Variants in ENOX1 observed in about 807,000 individuals in gnomAD.
ENOX1 encodes candidate growth-related and time keeping constitutive hydroquinone (NADH) oxidase.
ENOX1 carries 42 observed loss-of-function variants against 82.5 expected under a neutral mutation model. That is an observed-to-expected ratio of 0.51 (90% CI 0.40 to 0.66). The LOEUF (loss-of-function observed/expected upper bound fraction) is 0.66, where lower values mean the gene tolerates loss of function less well. Ranked by LOEUF, ENOX1 falls within the 30% of genes least tolerant of loss-of-function variation. ENOX1 has a pLI of 0.00. For missense variants in ENOX1, 608 were observed against 811.6 expected (o/e 0.75, Z 3.05); for synonymous variants, 271 against 282.2 (o/e 0.96, Z 0.40).
chr13:43,276,278 C>T (rs542465521), intron 12 of ENOX1, among the ~76,000 whole-genome samples: 4 of 152,258 alleles, frequency 2.6e-5, no homozygotes, highest in East Asian at 3.9e-4. Flanking sequence ...ATTTGCTCTA[C>T]GTGGCAATAC....
At chr13:43,586,610 T>G (rs1858012871) in intron 2 of ENOX1, among the ~76,000 whole-genome samples, 1 of 152,196 alleles carries the variant, frequency 6.6e-6, no homozygotes, top group South Asian at 2.1e-4. Flanking sequence ...AAGACTTCCT[T>G]TCTCATAACC....
At chr13:43,653,918 C>T (rs553170647) in intron 2 of ENOX1, among the ~76,000 whole-genome samples, 1 of 152,236 alleles carries the variant, frequency 6.6e-6, no homozygotes, top group African/African-American at 2.4e-5. Flanking sequence ...CTAACAGAAT[C>T]TTTACTCCCT....
At chr13:43,592,767 C>T (rs2081300716) in intron 2 of ENOX1, among the ~76,000 whole-genome samples, 1 of 152,180 alleles carries the variant, frequency 6.6e-6, no homozygotes, top group South Asian at 2.1e-4. Flanking sequence ...GATTGCTATC[C>T]TCCTCTGCAG....
intron 3 of ENOX1, among the ~76,000 whole-genome samples, chr13:43,431,886 C>G (rs866442990): frequency 1.3e-5 from 2 of 152,166 alleles, no homozygotes; most frequent in Non-Finnish European, 2.9e-5. Flanking sequence ...CAATCCAGAT[C>G]CCAGACCCTC....
intron 2 of ENOX1, among the ~76,000 whole-genome samples, chr13:43,635,489 T>A (rs899306629): frequency 6.6e-6 from 1 of 152,188 alleles, no homozygotes; most frequent in African/African-American, 2.4e-5. Context: ...ATAAAAAGAA[T>A]AAATGTATGA....
At chr13:43,236,314 G>T (rs536011524) in intron 15 of ENOX1, among the ~76,000 whole-genome samples, 1 of 152,284 alleles carries the variant, frequency 6.6e-6, no homozygotes, top group East Asian at 1.9e-4. Flanking sequence ...TTTGGAACTA[G>T]ATGCAACCTG....
intron 5 of ENOX1, among the ~76,000 whole-genome samples, chr13:43,402,261 T>C (rs1020909345): frequency 9.9e-5 from 15 of 152,162 alleles, no homozygotes; most frequent in African/African-American, 3.6e-4. Context: ...GAAAAATAAA[T>C]CATGGATGTC....
intron 8 of ENOX1, among the ~76,000 whole-genome samples, chr13:43,346,323 A>G (rs1447217291): frequency 6.6e-6 from 1 of 152,134 alleles, no homozygotes; most frequent in African/African-American, 2.4e-5. Context: ...TTAGGGATGT[A>G]CCCATGCTCA....
chr13:43,485,914 A>G (rs1267309735), intron 2 of ENOX1, among the ~76,000 whole-genome samples: 2 of 152,192 alleles, frequency 1.3e-5, no homozygotes, highest in Non-Finnish European at 2.9e-5. Flanking sequence ...TGTCTTTACA[A>G]AAAATACAAA....
intron 2 of ENOX1, among the ~76,000 whole-genome samples, chr13:43,561,772 G>A (rs2079681563): frequency 6.6e-6 from 1 of 152,034 alleles, no homozygotes; most frequent in African/African-American, 2.4e-5. Context: ...TGTGAGCCCA[G>A]GAGTTCAAGA....
intron 5 of ENOX1, among the ~76,000 whole-genome samples, chr13:43,369,209 T>C (rs1489469399): frequency 6.6e-6 from 1 of 152,186 alleles, no homozygotes; most frequent in Non-Finnish European, 1.5e-5. Context: ...CAACAATACC[T>C]GAACCTTCTC....
In ENOX1 at chr13:43,608,465, T is replaced by A. The variant is rs199829496; in HGVS notation, c.-219+59014A>T. Among the ~76,000 whole-genome samples the A allele has an allele frequency of 3.9e-5, 6 of 152,290 alleles. No homozygotes were observed. In the East Asian group the frequency reaches 9.7e-4, roughly 25 times the overall value. ...AGAATACATTTTCCCGTGTTTATCT[T>A]TGAAAGAGTACACTGAATATTATAC... On this transcript the variant is annotated intron_variant, in intron 2 of 16. Transcript: ENST00000690772.
At chr13:43,644,896 A>T (rs900879360) in intron 2 of ENOX1, among the ~76,000 whole-genome samples, 7 of 152,192 alleles carry the variant, frequency 4.6e-5, no homozygotes, top group African/African-American at 9.6e-5. Flanking sequence ...GTTTAAGCCT[A>T]AAAAACATAT....
intron 1 of ENOX1, among the ~76,000 whole-genome samples, chr13:43,751,654 C>T (rs1219246245): frequency 6.6e-6 from 1 of 152,108 alleles, no homozygotes; most frequent in Non-Finnish European, 1.5e-5. Flanking sequence ...TTTTGCCTTG[C>T]TTCTTTCACA....
At chr13:43,373,692 C>G (rs2051405799) in intron 5 of ENOX1, among the ~76,000 whole-genome samples, 1 of 152,152 alleles carries the variant, frequency 6.6e-6, no homozygotes, top group Non-Finnish European at 1.5e-5. Flanking sequence ...GAGGCCCTGG[C>G]CAGATTTACT....
chr13:43,729,207 G>GTAATTT (rs1286680445), intron 1 of ENOX1, among the ~76,000 whole-genome samples: 3 of 152,020 alleles, frequency 2.0e-5, no homozygotes, highest in Non-Finnish European at 4.4e-5. Flanking sequence ...TATGTACTCT[G>GTAATTT]GATGTAATTA....
intron 2 of ENOX1, among the ~76,000 whole-genome samples, chr13:43,577,543 T>C (rs2080498267): frequency 6.6e-6 from 1 of 152,184 alleles, no homozygotes; most frequent in South Asian, 2.1e-4. Context: ...TGTGTCCTCA[T>C]GTGGCGGAAA....
chr13:43,653,136 GCT>G (rs1311636673), intron 2 of ENOX1, among the ~76,000 whole-genome samples: 1 of 152,186 alleles, frequency 6.6e-6, no homozygotes. Context: ...ACAATATGCT[GCT>G]CTGCTACTGG....
intron 1 of ENOX1, among the ~76,000 whole-genome samples, chr13:43,715,718 C>T (rs1294162638): frequency 6.6e-6 from 1 of 152,154 alleles, no homozygotes; most frequent in Admixed American, 6.5e-5. Context: ...TCATTCATTT[C>T]GTCTTCCATC....
Sources: gnomAD v4.1 joint callset for allele counts (sites outside exome capture counted in the v4.1 genomes callset) on GRCh38, gnomAD v4.1.1 for gene constraint, MANE v1.5 for transcripts, NCBI Gene and HGNC (gene_info 2026-07-23, HGNC 2026-07-21) for gene names.